FHIT: variants seen among roughly 807,000 people sequenced by gnomAD.
FHIT encodes the protein bis(5'-adenosyl)-triphosphatase.
A neutral mutation model predicts 17.9 loss-of-function variants in FHIT; 19 were observed. The observed-to-expected ratio is 1.06, with a 90% CI of 0.74 to 1.56. FHIT has a LOEUF of 1.56. Among genes scored for constraint, FHIT ranks in the 40% most tolerant of loss-of-function variants. FHIT has a pLI of 0.00. For missense variants in FHIT, 248 were observed against 189.2 expected (o/e 1.31, Z -1.82); for synonymous variants, 81 against 69.7 (o/e 1.16, Z -0.81).
chr3:60,384,265 T>C (rs1700918915), intron 5 of FHIT, among the ~76,000 whole-genome samples: 1 of 132,194 alleles, frequency 7.6e-6, no homozygotes, highest in African/African-American at 2.9e-5. Flanking sequence ...AGACTCCGTC[T>C]TAAAAAAAAA....
intron 4 of FHIT, among the ~76,000 whole-genome samples, chr3:60,654,245 A>G (rs2040065058): frequency 6.6e-6 from 1 of 152,208 alleles, no homozygotes; most frequent in Non-Finnish European, 1.5e-5. Context: ...ATCCAGTCTC[A>G]GGTATTTATA....
At chr3:60,250,419 G>A (rs1275310924) in intron 5 of FHIT, among the ~76,000 whole-genome samples, 3 of 152,146 alleles carry the variant, frequency 2.0e-5, no homozygotes, top group African/African-American at 7.2e-5. Flanking sequence ...CAAATGGAGA[G>A]GAAAGTTGGT....
At chr3:60,394,131 C>T (rs17062963) in intron 5 of FHIT, among the ~76,000 whole-genome samples, 1 of 151,904 alleles carries the variant, frequency 6.6e-6, no homozygotes, top group African/African-American at 2.4e-5. Flanking sequence ...GAGTAAAACA[C>T]TGAATGTACT....
chr3:60,450,091 A>C (rs1244273353), intron 5 of FHIT, among the ~76,000 whole-genome samples: 1 of 151,414 alleles, frequency 6.6e-6, no homozygotes, highest in African/African-American at 2.4e-5. Context: ...AGCTTACGGG[A>C]CTAGAAATTG....
intron 5 of FHIT, among the ~76,000 whole-genome samples, chr3:60,353,687 A>G (rs1467951395): frequency 6.6e-6 from 1 of 152,178 alleles, no homozygotes; most frequent in Non-Finnish European, 1.5e-5. Flanking sequence ...AACATTAAAT[A>G]AAGCCAACTC....
chr3:60,543,776 G>A (rs2036263554), intron 4 of FHIT, among the ~76,000 whole-genome samples: 2 of 151,870 alleles, frequency 1.3e-5, no homozygotes, highest in South Asian at 2.1e-4. Context: ...ACAGAGTTTC[G>A]CTCTGTCACC....
chr3:60,508,140 G>T (rs1428444434), intron 5 of FHIT, among the ~76,000 whole-genome samples: 1 of 152,212 alleles, frequency 6.6e-6, no homozygotes, highest in Admixed American at 6.5e-5. Flanking sequence ...AATAAGCTGA[G>T]TGAGGAATGC....
At chr3:61,078,492 C>A (rs919281000) in intron 2 of FHIT, among the ~76,000 whole-genome samples, 1 of 152,092 alleles carries the variant, frequency 6.6e-6, no homozygotes, top group South Asian at 2.1e-4. Context: ...ACACAGGCAC[C>A]CGATAGTCAT....
intron 2 of FHIT, among the ~76,000 whole-genome samples, chr3:61,091,388 A>G (rs184463738): frequency 6.6e-6 from 1 of 152,246 alleles, no homozygotes; most frequent in East Asian, 1.9e-4. Flanking sequence ...AGTCTTCTTC[A>G]TCTGTAAAAT....
chr3:60,103,457 C>T (rs758844441), intron 5 of FHIT, among the ~76,000 whole-genome samples: 10 of 152,198 alleles, frequency 6.6e-5, no homozygotes, highest in South Asian at 2.1e-4. Context: ...ACAAACACCA[C>T]GATAAATTTG....
At chr3:60,021,396 C>T (rs140078254) in intron 5 of FHIT, among the ~76,000 whole-genome samples, 4 of 152,282 alleles carry the variant, frequency 2.6e-5, no homozygotes, top group Non-Finnish European at 5.9e-5. Context: ...ACAGGGGAGT[C>T]CGCAGCCCGA....
In FHIT at chr3:60,384,104, C is replaced by A. The variant is rs183811026; in HGVS notation, c.103+152756G>T. Among the ~76,000 whole-genome samples, 7 of 152,006 alleles carry A rather than the reference C, an allele frequency of 4.6e-5. No individual in the cohort carries two copies. The East Asian group carries it at 1.4e-3, about 30-fold the overall frequency. On this transcript the variant is annotated intron_variant, in intron 5 of 9. Transcript: ENST00000492590. ...CCATCATGGTGAAACCCCGTCGCTACTAAAATACAAAAAATTAGACGAGTG... is the reference window on the plus strand; with the variant it reads ...CCATCATGGTGAAACCCCGTCGCTAATAAAATACAAAAAATTAGACGAGTG...
chr3:60,301,208 T>G, intron 5 of FHIT, among the ~76,000 whole-genome samples: 1 of 152,162 alleles, frequency 6.6e-6, no homozygotes, highest in East Asian at 1.9e-4. Context: ...GTAAATAATA[T>G]TTCATAATAG....
At chr3:60,011,647 A>C (rs1700144893) in intron 6 of FHIT, among the ~76,000 whole-genome samples, 1 of 152,174 alleles carries the variant, frequency 6.6e-6, no homozygotes, top group South Asian at 2.1e-4. Flanking sequence ...GCTACTTTTC[A>C]TGCTCTTTGC....
chr3:60,459,030 C>G (rs1031496236), intron 5 of FHIT, among the ~76,000 whole-genome samples: 5 of 152,120 alleles, frequency 3.3e-5, no homozygotes, highest in Non-Finnish European at 5.9e-5. Flanking sequence ...GATCCTCCTA[C>G]CTTGTTCTCC....
At chr3:61,144,475 G>A (rs1045782400) in intron 2 of FHIT, among the ~76,000 whole-genome samples, 7 of 152,014 alleles carry the variant, frequency 4.6e-5, no homozygotes, top group African/African-American at 1.7e-4. Flanking sequence ...CCACTTTTTG[G>A]CAATTATGAA....
intron 7 of FHIT, among the ~76,000 whole-genome samples, chr3:59,974,182 G>C (rs949394133): frequency 6.6e-6 from 1 of 151,996 alleles, no homozygotes; most frequent in Non-Finnish European, 1.5e-5. Flanking sequence ...CTGTCTATTA[G>C]GCCAAGTTGT....
intron 5 of FHIT, among the ~76,000 whole-genome samples, chr3:60,123,952 C>G (rs80056411): frequency 0.14 from 16,002 of 112,360 alleles, 1,497 homozygotes; most frequent in South Asian, 0.2. Flanking sequence ...CTTCCATTAA[C>G]AGAAATGCAC....
chr3:59,946,499 A>G (rs1706809586), intron 7 of FHIT, among the ~76,000 whole-genome samples: 1 of 152,170 alleles, frequency 6.6e-6, no homozygotes, highest in Admixed American at 6.5e-5. Flanking sequence ...TGCTATTTAT[A>G]TGCCTTTTAT....
Sources: allele counts gnomAD v4.1 joint callset (sites outside exome capture counted in the v4.1 genomes callset), GRCh38; gene constraint gnomAD v4.1.1; transcripts MANE v1.5; gene names NCBI Gene and HGNC (gene_info 2026-07-23, HGNC 2026-07-21).